The following LCA5L variants were observed in gnomAD, a reference collection of about 807,000 sequenced individuals.
The protein encoded by LCA5L is lebercilin-like protein.
In LCA5L, 35 loss-of-function variants were observed where a neutral mutation model predicts 45.4. That is an observed-to-expected ratio of 0.77 (90% confidence interval 0.59 to 1.02). The LOEUF (loss-of-function observed/expected upper bound fraction) is 1.02. Ranked by LOEUF, LCA5L falls within the 50% of genes least tolerant of loss-of-function variation. The pLI, the probability that LCA5L is intolerant of heterozygous loss-of-function variation, is 0.00. For missense variants in LCA5L, 668 were observed against 761.6 expected, an observed-to-expected ratio of 0.88 and a Z score of 1.45; for synonymous variants, 233 against 264.7, an observed-to-expected ratio of 0.88 and a Z score of 1.16.
intron 7 of LCA5L, among the ~76,000 whole-genome samples, chr21:39,412,917 G>A (rs2040358838): frequency 6.6e-6 from 1 of 152,236 alleles, no homozygotes; most frequent in East Asian, 1.9e-4. Context: ...AGTGGGACCT[G>A]TGGAGGGAGC....
chr21:39,435,936 C>T (rs1214337553), intron 2 of LCA5L, among the ~76,000 whole-genome samples: 1 of 152,158 alleles, frequency 6.6e-6, no homozygotes, highest in Non-Finnish European at 1.5e-5. Flanking sequence ...CTGCACCTGG[C>T]CACAGGCGGC....
In LCA5L at chr21:39,406,195, A is replaced by G. The variant is rs111589270; in HGVS notation, c.1700T>C (p.Leu567Pro). 9 of 1,614,248 alleles carry G rather than the reference A, an allele frequency of 5.6e-6. No homozygotes were observed. Among genetic ancestry groups the G allele is most frequent in the African/African-American group, 4.0e-5 (3 of 75,062 alleles). The change falls in exon 11 of 11, where the codon CTA (leucine) becomes CCA (proline). Residue 567 changes from leucine to proline, a missense_variant. Transcript: ENST00000288350. ...CTCATACCCACTGTCAGAATGCTCT[A>G]GCTCCATTTCCTCTCTGTTACTGAG... ...KHLSNREEME[L>P]EHSDSGYEPS...
intron 3 of LCA5L, among the ~76,000 whole-genome samples, chr21:39,433,926 GCT>G (rs1491529778): frequency 2.6e-5 from 3 of 115,932 alleles, no homozygotes; most frequent in African/African-American, 1.0e-4. Context: ...ACCACATCCA[GCT>G]TTTTTTTTTT....
At chr21:39,417,779 T>C (rs957677758) in intron 7 of LCA5L, among the ~76,000 whole-genome samples, 1 of 152,056 alleles carries the variant, frequency 6.6e-6, no homozygotes, top group East Asian at 1.9e-4. Context: ...TTTTAATTTT[T>C]TTTTGAGATG....
At chr21:39,419,801 A>G (rs1240919731) in intron 7 of LCA5L, among the ~76,000 whole-genome samples, 1 of 152,182 alleles carries the variant, frequency 6.6e-6, no homozygotes, top group Admixed American at 6.5e-5. Flanking sequence ...GGCTTGAAAC[A>G]GCGTATTTCT....
In LCA5L at chr21:39,423,441, G is replaced by T; in HGVS notation, c.372C>A (p.Leu124=). The part of the protein sequence containing the change: ...VEKKHTWNAS[L]FNSQIHMIAQ... ...CAATCATATGGATTTGAGAATTAAA[G>T]AGTGATGCATTCCAGGTGTGCTTTT... is the stretch of plus-strand genomic sequence containing the variant. Residue 124 remains leucine (L), a synonymous_variant, in exon 6 of 11, where the codon CTC becomes CTA. Coordinates refer to ENST00000288350, the MANE Select transcript of LCA5L (RefSeq NM_152505.4). The T allele has an allele frequency of 6.3e-7, 1 of 1,590,714 alleles. No individual in the cohort carries two copies.
Position 39,411,725 on chromosome 21 carries a change from A to T in LCA5L, c.1053T>A (p.Tyr351Ter), listed in dbSNP as rs757831763. Reference sequence around the variant, plus strand: ...AAAGTAATTAAAACATACCTTTTGGATAGTCCTCTGTGTCATGTAAATTTT... The same window carrying T: ...AAAGTAATTAAAACATACCTTTTGGTTAGTCCTCTGTGTCATGTAAATTTT... ...ILKNLHDTED[Y>*]PKVSSTKSVQ... The change falls in exon 8 of 11, where the codon TAT becomes TAA. Residue 351 changes from tyrosine to a stop codon, truncating the protein, a stop_gained. Coordinates refer to ENST00000288350, the MANE Select transcript of LCA5L (RefSeq NM_152505.4). LOFTEE classifies it high-confidence loss of function. 3 of 1,479,340 alleles carry T rather than the reference A, an allele frequency of 2.0e-6. No individual in the cohort carries two copies. Among genetic ancestry groups the T allele is most frequent in the Non-Finnish European group, 2.8e-6 (3 of 1,076,566 alleles). 91.6% of individuals were successfully genotyped at this position (1,479,340 alleles called of 1,614,324 possible).
At chr21:39,413,216 C>T (rs1300220732) in intron 7 of LCA5L, among the ~76,000 whole-genome samples, 1 of 152,180 alleles carries the variant, frequency 6.6e-6, no homozygotes, top group African/African-American at 2.4e-5. Flanking sequence ...AGAACACAGA[C>T]CAGAGGCCTC....
chr21:39,421,931 T>G (rs2073831961), intron 6 of LCA5L: 1 of 152,190 alleles, frequency 6.6e-6, no homozygotes, highest in African/African-American at 2.4e-5. Flanking sequence ...TATAAAAACA[T>G]GAACAACTTA....
chr21:39,406,862 A>G (rs1439911236), intron 10 of LCA5L: 4 of 402,288 alleles, frequency 9.9e-6, no homozygotes, highest in Non-Finnish European at 1.8e-5. Flanking sequence ...ACATTCATAG[A>G]AGAAGAAATA....
intron 7 of LCA5L, among the ~76,000 whole-genome samples, chr21:39,419,872 A>C (rs981570914): frequency 1.3e-5 from 2 of 152,224 alleles, no homozygotes; most frequent in African/African-American, 4.8e-5. Context: ...AGATAGCAAA[A>C]AGCCTGACAA....
chr21:39,411,673 T>C, intron 8 of LCA5L, 45 bp downstream of exon 8: 2 of 977,304 alleles, frequency 2.0e-6, no homozygotes, highest in Non-Finnish European at 3.1e-6. Flanking sequence ...AAAATCTGAC[T>C]AGATACTTAA....
At chr21:39,433,328 G>A (rs751473068) in intron 3 of LCA5L, among the ~76,000 whole-genome samples, 15 of 147,292 alleles carry the variant, frequency 1.0e-4, no homozygotes, top group Non-Finnish European at 1.8e-4. Context: ...TGAGGCAGGA[G>A]AATTGCTTGA....
intron 2 of LCA5L, among the ~76,000 whole-genome samples, chr21:39,436,821 A>G (rs1171421217): frequency 2.6e-5 from 4 of 151,982 alleles, no homozygotes; most frequent in Admixed American, 6.6e-5. Flanking sequence ...GCCTCTTGGG[A>G]AAAAAAACTT....
chr21:39,414,679 A>G (rs542164877), intron 7 of LCA5L, among the ~76,000 whole-genome samples: 1 of 151,266 alleles, frequency 6.6e-6, no homozygotes, highest in African/African-American at 2.4e-5. Flanking sequence ...AGGCTAGGTC[A>G]TAAAAGGCAG....
intron 7 of LCA5L, among the ~76,000 whole-genome samples, chr21:39,414,699 T>C (rs1283994759): frequency 6.6e-6 from 1 of 151,084 alleles, no homozygotes; most frequent in Non-Finnish European, 1.5e-5. Context: ...GTACTGCATC[T>C]GTCTGGTTCT....
At chr21:39,414,732 C>CTGTGTGTGTGTGTGTGTGTG (rs1464601997) in intron 7 of LCA5L, among the ~76,000 whole-genome samples, 2 of 110,392 alleles carry the variant, frequency 1.8e-5, no homozygotes, top group African/African-American at 7.8e-5. Flanking sequence ...CTCTCTCTCT[C>CTGTGTGTGTGTGTGTGTGTG]TCTCTCTCTC....
In LCA5L at chr21:39,406,450, C is replaced by CT; in HGVS notation, c.1444dup (p.Ser482LysfsTer13). On this transcript the variant is annotated frameshift_variant, in exon 11 of 11. Coordinates refer to ENST00000288350, the MANE Select transcript of LCA5L (RefSeq NM_152505.4). LOFTEE classifies it low-confidence loss of function (END_TRUNC). ...TCTTACTAGAACATCTTCTTGATTG[C>CT]TTTCTCTTTCAGGATGAATAACTTC... The CT allele has an allele frequency of 6.2e-7, 1 of 1,614,040 alleles. No individual in the cohort carries two copies. Among genetic ancestry groups the CT allele is most frequent in the Non-Finnish European group, 8.5e-7 (1 of 1,179,956 alleles).
At chr21:39,430,101 G>C (rs567673635) in intron 3 of LCA5L, among the ~76,000 whole-genome samples, 1 of 152,126 alleles carries the variant, frequency 6.6e-6, no homozygotes. Context: ...GACTACAAAT[G>C]CTCCCGTGTA....
Sources: gnomAD v4.1 joint callset for allele counts (sites outside exome capture counted in the v4.1 genomes callset) on GRCh38, gnomAD v4.1.1 for gene constraint, MANE v1.5 for transcripts, NCBI Gene and HGNC (gene_info 2026-07-23, HGNC 2026-07-21) for gene names.